The following CDK14 variants were observed in gnomAD, a reference collection of about 807,000 sequenced individuals.
CDK14 encodes cyclin-dependent kinase 14.
Under a neutral mutation model 60.7 loss-of-function variants are expected in CDK14, and 34 were observed. The observed-to-expected ratio is 0.56, with a 90% CI of 0.43 to 0.75. The LOEUF (loss-of-function observed/expected upper bound fraction) is 0.75. CDK14 is among the 30% of genes least tolerant of loss of function. CDK14 has a pLI of 0.00. For missense variants in CDK14, 482 were observed against 564.1 expected (o/e 0.85, Z 1.47); for synonymous variants, 197 against 203.7 (o/e 0.97, Z 0.28).
intron 5 of CDK14, among the ~76,000 whole-genome samples, chr7:90,834,993 A>G (rs1790042661): frequency 6.6e-6 from 1 of 152,188 alleles, no homozygotes; most frequent in South Asian, 2.1e-4. Context: ...CAGTGAATGT[A>G]GACAGAAAAG....
At chr7:91,033,548 G>C (rs1220078977) in intron 10 of CDK14, among the ~76,000 whole-genome samples, 1 of 152,142 alleles carries the variant, frequency 6.6e-6, no homozygotes, top group African/African-American at 2.4e-5. Context: ...GATTCAGCAG[G>C]GAGTGGGACC....
At chr7:91,026,977 G>A (rs939908426) in intron 10 of CDK14, among the ~76,000 whole-genome samples, 11 of 152,156 alleles carry the variant, frequency 7.2e-5, no homozygotes, top group Admixed American at 3.9e-4. Context: ...TTAGGCAAAA[G>A]ATCTCTTAGG....
At chr7:90,884,092 A>G (rs148314672) in intron 6 of CDK14, among the ~76,000 whole-genome samples, 2,663 of 152,284 alleles carry the variant, frequency 0.017, 67 homozygotes, top group African/African-American at 0.058. Context: ...GGCCAGGGCA[A>G]TCAGGCAAGA....
intron 5 of CDK14, among the ~76,000 whole-genome samples, chr7:90,793,716 A>C (rs1322771649): frequency 2.4e-3 from 2 of 836 alleles, no homozygotes; most frequent in African/African-American, 0.026. Context: ...TTACGTGAGA[A>C]ACTCTTAATA....
At chr7:90,989,431 A>G (rs148966385) in intron 10 of CDK14, among the ~76,000 whole-genome samples, 262 of 152,306 alleles carry the variant, frequency 1.7e-3, no homozygotes, top group African/African-American at 6.1e-3. Context: ...AGCACTAGGT[A>G]CAATGAAGAC....
intron 10 of CDK14, among the ~76,000 whole-genome samples, chr7:91,022,050 A>C (rs1796445481): frequency 6.6e-6 from 1 of 152,166 alleles, no homozygotes; most frequent in African/African-American, 2.4e-5. Context: ...CTGAGGAAAC[A>C]GGATGGGTCC....
intron 4 of CDK14, among the ~76,000 whole-genome samples, chr7:90,758,589 T>A (rs1050351231): frequency 2.0e-5 from 3 of 152,224 alleles, no homozygotes; most frequent in African/African-American, 7.2e-5. Context: ...TGATGAATAT[T>A]CATTGTATTG....
chr7:90,632,854 C>T lies in CDK14; in HGVS notation c.123+28605C>T, dbSNP rs1176836241. On this transcript the variant is annotated intron_variant, in intron 2 of 14. Coordinates refer to ENST00000380050, the MANE Select transcript of CDK14 (RefSeq NM_001287135.2). Reference sequence around the variant, plus strand: ...CTGTAATCCCAGACCTTTGGGAAGCCGAGGTGGGCGGATCACCTGAGGTCA... The same window carrying T: ...CTGTAATCCCAGACCTTTGGGAAGCTGAGGTGGGCGGATCACCTGAGGTCA... Among the ~76,000 whole-genome samples the T allele has an allele frequency of 3.3e-5, 5 of 152,078 alleles. 1 individual carries two copies. The highest frequency in any genetic ancestry group is 6.6e-5 in the Admixed American group (1 of 15,258).
At chr7:91,103,025 G>A (rs141743330) in intron 12 of CDK14, among the ~76,000 whole-genome samples, 1,669 of 152,222 alleles carry the variant, frequency 0.011, 38 homozygotes, top group African/African-American at 0.038. Flanking sequence ...AGGCTGAGGC[G>A]GGCGGATCAA....
In CDK14 at chr7:91,065,236, C is replaced by T. The variant is rs749276393; in HGVS notation, c.1106-14196C>T. ...GAGGCTGCTCAGCATTTTAAGGTAGCTCTACTGGGTGGCAGTGACAGGGCA... is the reference window on the plus strand; with the variant it reads ...GAGGCTGCTCAGCATTTTAAGGTAGTTCTACTGGGTGGCAGTGACAGGGCA... On this transcript the variant is annotated intron_variant, in intron 11 of 14. Transcript: ENST00000380050. Among the ~76,000 whole-genome samples the T allele has an allele frequency of 7.2e-5, 11 of 152,242 alleles. No homozygotes were observed. The South Asian group carries it at 8.3e-4, about 11-fold the overall frequency.
Position 90,634,621 on chromosome 7 carries a change from G to C in CDK14, c.123+30372G>C, listed in dbSNP as rs1229688270. On this transcript the variant is annotated intron_variant, in intron 2 of 14. Transcript: ENST00000380050. ...TGTGCATGTGTCTTTATAGCAGCAC[G>C]ATTTATAGTCCTTTGGGTATATACC... Among the ~76,000 whole-genome samples the C allele has an allele frequency of 2.0e-5, 3 of 152,200 alleles. No homozygotes were observed. The South Asian group carries it at 6.2e-4, about 32-fold the overall frequency.
intron 10 of CDK14, among the ~76,000 whole-genome samples, chr7:91,004,683 C>T (rs1017108839): frequency 2.0e-5 from 3 of 152,254 alleles, no homozygotes; most frequent in African/African-American, 7.2e-5. Context: ...CGGTGAGTAG[C>T]GTGCAGATCT....
intron 2 of CDK14, among the ~76,000 whole-genome samples, chr7:90,702,330 A>C (rs547835483): frequency 2.0e-5 from 3 of 152,304 alleles, no homozygotes; most frequent in African/African-American, 7.2e-5. Flanking sequence ...AGGTTAAAGC[A>C]TTTCAGAGTT....
intron 5 of CDK14, among the ~76,000 whole-genome samples, chr7:90,835,973 G>T (rs923568960): frequency 6.6e-6 from 1 of 152,118 alleles, no homozygotes; most frequent in African/African-American, 2.4e-5. Context: ...TGTAGAAAAG[G>T]TGCAGTGAAA....
chr7:90,670,100 A>G (rs1801066263), intron 2 of CDK14, among the ~76,000 whole-genome samples: 1 of 152,236 alleles, frequency 6.6e-6, no homozygotes, highest in Admixed American at 6.5e-5. Context: ...TACCATTGGT[A>G]TGACTATACC....
At chr7:90,660,277 A>G (rs921334829) in intron 2 of CDK14, among the ~76,000 whole-genome samples, 1 of 152,154 alleles carries the variant, frequency 6.6e-6, no homozygotes, top group Non-Finnish European at 1.5e-5. Flanking sequence ...TAAATCAAAT[A>G]CTGGCTAACT....
intron 12 of CDK14, among the ~76,000 whole-genome samples, chr7:91,083,701 C>G (rs1486161776): frequency 6.6e-6 from 1 of 152,112 alleles, no homozygotes; most frequent in Non-Finnish European, 1.5e-5. Flanking sequence ...AGATAGGATT[C>G]TTGAAAGGAA....
chr7:91,155,741 G>T (rs577562348), intron 14 of CDK14, among the ~76,000 whole-genome samples: 1 of 152,256 alleles, frequency 6.6e-6, no homozygotes, highest in South Asian at 2.1e-4. Flanking sequence ...GGCCATTTTT[G>T]TGTCATTGAA....
chr7:91,109,375 A>G (rs1799409667), intron 12 of CDK14, among the ~76,000 whole-genome samples: 1 of 152,150 alleles, frequency 6.6e-6, no homozygotes, highest in Non-Finnish European at 1.5e-5. Flanking sequence ...GCTTCCAAAA[A>G]CTTGTGAAAG....
Sources: allele counts gnomAD v4.1 joint callset (sites outside exome capture counted in the v4.1 genomes callset), GRCh38; gene constraint gnomAD v4.1.1; transcripts MANE v1.5; gene names NCBI Gene and HGNC (gene_info 2026-07-23, HGNC 2026-07-21).